The following NEDD9 variants were observed in gnomAD, a reference collection of about 807,000 sequenced individuals.
NEDD9 encodes neural precursor cell expressed, developmentally down-regulated 9, also known as enhancer of filamentation 1.
NEDD9 carries 26 observed loss-of-function variants against 76.6 expected under a neutral mutation model. That is an observed-to-expected ratio of 0.34 (90% CI 0.25 to 0.47). The LOEUF (loss-of-function observed/expected upper bound fraction) is 0.47, where lower values mean the gene tolerates loss of function less well. NEDD9 is among the 20% of genes least tolerant of loss of function. The probability of loss-of-function intolerance (pLI) is 1.00; values close to 1 mark genes in which losing one functional copy is unlikely to be tolerated. For missense variants in NEDD9, 937 were observed against 1,058.5 expected, an observed-to-expected ratio of 0.89 and a Z score of 1.59; for synonymous variants, 392 against 414.2, an observed-to-expected ratio of 0.95 and a Z score of 0.65.
At chr6:11,296,665 C>G (rs1370202419) in intron 3 of NEDD9, among the ~76,000 whole-genome samples, 10 of 116,662 alleles carry the variant, frequency 8.6e-5, no homozygotes, top group African/African-American at 3.6e-4. Context: ...CTTTCCTTTC[C>G]TTTCCTTTCC....
chr6:11,379,677 C>T (rs1763028234), intron 1 of NEDD9, among the ~76,000 whole-genome samples: 1 of 150,358 alleles, frequency 6.7e-6, no homozygotes. Flanking sequence ...AAAAAAAAAA[C>T]AGGCCGTTGT....
chr6:11,374,408 C>T (rs934806114), intron 1 of NEDD9, among the ~76,000 whole-genome samples: 11 of 152,164 alleles, frequency 7.2e-5, no homozygotes, highest in African/African-American at 2.4e-4. Flanking sequence ...GATAGTGTGA[C>T]AGAAGGCACC....
intron 1 of NEDD9, among the ~76,000 whole-genome samples, chr6:11,378,254 C>A (rs1054000079): frequency 1.3e-5 from 2 of 152,058 alleles, no homozygotes; most frequent in African/African-American, 4.8e-5. Context: ...AAAAAAAGAT[C>A]TGATTGTTTA....
At chr6:11,237,209 A>G (rs1759621725), upstream of NEDD9, among the ~76,000 whole-genome samples, 1 of 152,164 alleles carries the variant, frequency 6.6e-6, no homozygotes, top group South Asian at 2.1e-4. This position sits in a 1 kb window ranked among gnomAD's most constrained non-coding sequence, Gnocchi z 4.9. Context: ...ACGTTGTCTC[A>G]TAATGATTTG....
intron 2 of NEDD9, among the ~76,000 whole-genome samples, chr6:11,326,728 GGGCAA>G (rs1022690514): frequency 1.0e-3 from 155 of 152,312 alleles, no homozygotes; most frequent in African/African-American, 3.7e-3. Flanking sequence ...TCTGAGGCTT[GGGCAA>G]GGCCCTGGGC....
At chr6:11,208,524 A>G (rs1021263198) in intron 2 of NEDD9, among the ~76,000 whole-genome samples, 10 of 152,196 alleles carry the variant, frequency 6.6e-5, no homozygotes, top group African/African-American at 2.4e-4. Context: ...TTAAAGGTTA[A>G]CTCTCATTTA....
chr6:11,309,421 C>T (rs1035369825), intron 2 of NEDD9, among the ~76,000 whole-genome samples: 1 of 152,140 alleles, frequency 6.6e-6, no homozygotes, highest in Non-Finnish European at 1.5e-5. Context: ...TGATAGGTTT[C>T]CCTCCATCCC....
At chr6:11,253,236 A>G (rs570958948) in intron 3 of NEDD9, among the ~76,000 whole-genome samples, 2 of 152,246 alleles carry the variant, frequency 1.3e-5, no homozygotes, top group Admixed American at 6.5e-5. Context: ...TTGATAAAAA[A>G]GAGAAAGTAT....
At chr6:11,310,182 A>G (rs1216531891) in intron 2 of NEDD9, among the ~76,000 whole-genome samples, 1 of 152,192 alleles carries the variant, frequency 6.6e-6, no homozygotes, top group African/African-American at 2.4e-5. Flanking sequence ...GTCAGCCTGC[A>G]GCTCATTAGT....
intron 1 of NEDD9, among the ~76,000 whole-genome samples, chr6:11,374,358 A>G (rs928820789): frequency 1.3e-5 from 2 of 152,196 alleles, no homozygotes; most frequent in African/African-American, 4.8e-5. Context: ...CATGAGGAAC[A>G]GGTGCTGAGA....
intron 2 of NEDD9, among the ~76,000 whole-genome samples, chr6:11,209,017 G>A (rs1293056742): frequency 8.5e-5 from 13 of 152,084 alleles, no homozygotes; most frequent in Non-Finnish European, 8.8e-5. Flanking sequence ...ATTTAGGATT[G>A]CCTGTGGGTT....
rs532511832 is a variant in NEDD9 at position 11,237,733 on chromosome 6, GC to G, written c.13-24007del. 2.0e-5 allele frequency among the ~76,000 whole-genome samples: 3 copies of G among 152,284 alleles called. No individual in the cohort carries two copies. The South Asian group carries it at 6.2e-4, about 32-fold the overall frequency. ...CCACAGAGATGGCAAAGCCCCCAAA[GC>G]CGAAGAAGAAAAAGTATTATTTGGT... is the stretch of plus-strand genomic sequence containing the variant. On this transcript the variant is annotated intron_variant, in intron 3 of 3. Transcript: ENST00000397378. This position sits in a 1 kb window ranked among gnomAD's most constrained non-coding sequence, Gnocchi z 4.9.
chr6:11,328,940 A>G (rs954300206), intron 2 of NEDD9: 2 of 152,238 alleles, frequency 1.3e-5, no homozygotes, highest in South Asian at 2.1e-4. Context: ...TTCAGAATTC[A>G]GTTGTCTTAA....
At chr6:11,261,724 T>C (rs1354545491) in intron 3 of NEDD9, among the ~76,000 whole-genome samples, 1 of 152,234 alleles carries the variant, frequency 6.6e-6, no homozygotes, top group Admixed American at 6.5e-5. Context: ...AAATCCAGAA[T>C]ATATGGCTGT....
chr6:11,231,184 T>C (rs1759459837), intron 1 of NEDD9, among the ~76,000 whole-genome samples: 1 of 152,202 alleles, frequency 6.6e-6, no homozygotes, highest in African/African-American at 2.4e-5. Flanking sequence ...CATCCTAAAG[T>C]CAAATATTAA....
intron 1 of NEDD9, among the ~76,000 whole-genome samples, chr6:11,373,730 A>G (rs1306919705): frequency 6.6e-6 from 1 of 152,256 alleles, no homozygotes; most frequent in African/African-American, 2.4e-5. Flanking sequence ...GGCTAAGCCA[A>G]GGTACCTAGA....
At chr6:11,203,394 C>G (rs186198173) in intron 2 of NEDD9, among the ~76,000 whole-genome samples, 2 of 152,300 alleles carry the variant, frequency 1.3e-5, no homozygotes, top group Admixed American at 6.5e-5. Flanking sequence ...ACAGACTGCC[C>G]TAAGGGGAAA....
In NEDD9 at chr6:11,252,221, G is replaced by C. The variant is rs1759928326; in HGVS notation, c.13-38494C>G. Among the ~76,000 whole-genome samples the C allele has an allele frequency of 6.6e-6, 1 of 152,130 alleles. No homozygotes were observed. Among genetic ancestry groups the C allele is most frequent in the African/African-American group, 2.4e-5 (1 of 41,408 alleles). ...GCAGAGCCCTCTGGAGAGCTGACTG[G>C]TATTCTCATTTTCTACCAGCCTGAG... is the stretch of plus-strand genomic sequence containing the variant. On this transcript the variant is annotated intron_variant, in intron 3 of 3. Coordinates refer to the NEDD9 transcript ENST00000397378. The surrounding 1 kb of genome is among the most constrained non-coding windows in gnomAD (Gnocchi z 4.3).
chr6:11,300,992 A>T (rs1408786688), intron 3 of NEDD9, among the ~76,000 whole-genome samples: 3 of 152,222 alleles, frequency 2.0e-5, no homozygotes, highest in Non-Finnish European at 4.4e-5. Flanking sequence ...CATCAAAATG[A>T]CAGGATCAAA....
Sources: gnomAD v4.1 joint callset for allele counts (sites outside exome capture counted in the v4.1 genomes callset) on GRCh38, gnomAD v4.1.1 for gene constraint, Gnocchi (gnomAD v3.1) non-coding constraint, MANE v1.5 for transcripts, NCBI Gene and HGNC (gene_info 2026-07-23, HGNC 2026-07-21) for gene names.